The following CDYL2 variants were observed in gnomAD, a reference collection of about 807,000 sequenced individuals.
CDYL2 encodes chromodomain Y like 2.
CDYL2 carries 23 observed loss-of-function variants against 49.4 expected under a neutral mutation model. The ratio of observed to expected loss-of-function variants is 0.47; its 90% CI spans 0.34 to 0.66. CDYL2 has a LOEUF of 0.66. CDYL2 is among the 30% of genes least tolerant of loss of function. The pLI, the probability that CDYL2 is intolerant of heterozygous loss-of-function variation, is 0.01. For synonymous variants in CDYL2, 360 were observed against 268.8 expected (o/e 1.34, Z -3.32); for missense variants, 678 against 656.4 (o/e 1.03, Z -0.36).
At chr16:80,769,048 G>T (rs1281476318) in intron 1 of CDYL2, among the ~76,000 whole-genome samples, 1 of 152,138 alleles carries the variant, frequency 6.6e-6, no homozygotes, top group Non-Finnish European at 1.5e-5. Context: ...TTCCTAGTAT[G>T]GAATAGAATG....
chr16:80,644,769 T>C (rs1406153622), intron 2 of CDYL2, among the ~76,000 whole-genome samples: 2 of 152,120 alleles, frequency 1.3e-5, no homozygotes, highest in African/African-American at 2.4e-5. Context: ...CAAAACAGCA[T>C]GGTACTGGTA....
intron 2 of CDYL2, among the ~76,000 whole-genome samples, 173 bp from the exon 3 acceptor site, chr16:80,633,409 G>A (rs532175391): frequency 2.0e-5 from 3 of 152,290 alleles, no homozygotes; most frequent in South Asian, 4.1e-4. Context: ...GAGACAGGCT[G>A]AATTCCTGCA....
chr16:80,706,917 C>G (rs1904424610), intron 1 of CDYL2, among the ~76,000 whole-genome samples: 1 of 152,182 alleles, frequency 6.6e-6, no homozygotes, highest in Admixed American at 6.5e-5. Context: ...AGGTCAATCA[C>G]ACCTACAGAC....
chr16:80,795,439 C>T (rs958614783), intron 1 of CDYL2, among the ~76,000 whole-genome samples: 1 of 152,148 alleles, frequency 6.6e-6, no homozygotes, highest in African/African-American at 2.4e-5. Flanking sequence ...AGGAACCCAT[C>T]GCTTTATAAA....
intron 1 of CDYL2, among the ~76,000 whole-genome samples, chr16:80,743,129 T>A (rs1281515353): frequency 6.6e-6 from 1 of 152,162 alleles, no homozygotes; most frequent in East Asian, 1.9e-4. Flanking sequence ...ATGTCGTCAT[T>A]TTTGTTTCCA....
chr16:80,787,889 C>T (rs897764094), intron 1 of CDYL2, among the ~76,000 whole-genome samples: 1 of 152,108 alleles, frequency 6.6e-6, no homozygotes, highest in African/African-American at 2.4e-5. Flanking sequence ...AGCATGCAGA[C>T]ATATTTGCTA....
chr16:80,735,235 C>T (rs1398656358), intron 1 of CDYL2: 2 of 152,146 alleles, frequency 1.3e-5, no homozygotes, highest in African/African-American at 4.8e-5. Flanking sequence ...ATAGATCATG[C>T]CCAAGCTACT....
At chr16:80,714,536 G>A (rs749982451) in intron 1 of CDYL2, among the ~76,000 whole-genome samples, 1 of 152,128 alleles carries the variant, frequency 6.6e-6, no homozygotes, top group African/African-American at 2.4e-5. Context: ...CACCTGGCTG[G>A]TTACTCACTA....
At chr16:80,688,501 G>A (rs1378482977) in intron 1 of CDYL2, among the ~76,000 whole-genome samples, 2 of 152,164 alleles carry the variant, frequency 1.3e-5, no homozygotes, top group Non-Finnish European at 2.9e-5. Context: ...ATGAACTTCA[G>A]TTGACAAAAC....
chr16:80,790,948 G>C (rs1385120676), intron 1 of CDYL2, among the ~76,000 whole-genome samples: 3 of 152,228 alleles, frequency 2.0e-5, no homozygotes, highest in Admixed American at 2.0e-4. Flanking sequence ...TTAGATTTCA[G>C]TGAAGGCAAA....
chr16:80,785,898 T>C (rs943595003), intron 1 of CDYL2, among the ~76,000 whole-genome samples: 3 of 152,138 alleles, frequency 2.0e-5, no homozygotes, highest in Non-Finnish European at 2.9e-5. Context: ...GTTGGGAAAA[T>C]TGGCTAGCCA....
chr16:80,743,471 T>C (rs1905819320), intron 1 of CDYL2, among the ~76,000 whole-genome samples: 1 of 119,652 alleles, frequency 8.4e-6, no homozygotes, highest in Admixed American at 8.9e-5. Context: ...CTAACAGAAG[T>C]AGCAGCACTT....
At chr16:80,760,111 A>T (rs551407104) in intron 1 of CDYL2, among the ~76,000 whole-genome samples, 1 of 152,204 alleles carries the variant, frequency 6.6e-6, no homozygotes, top group African/African-American at 2.4e-5. Flanking sequence ...TTGCTATAGG[A>T]CTCCCTTAGA....
chr16:80,610,740 T>C lies in CDYL2; in HGVS notation c.1218+1886A>G, dbSNP rs148410836. On this transcript the variant is annotated intron_variant, in intron 5 of 6. Coordinates refer to ENST00000570137, the MANE Select transcript of CDYL2 (RefSeq NM_152342.4). ...ACAGCACCAAGCTCCCAGCACACTTTGCAGGGCCGGGAGCCAGCACTCGGC... is the reference window on the plus strand; with the variant it reads ...ACAGCACCAAGCTCCCAGCACACTTCGCAGGGCCGGGAGCCAGCACTCGGC... Among the ~76,000 whole-genome samples the C allele has an allele frequency of 5.0e-3, 756 of 152,250 alleles. 2 individuals are homozygous for C. Among genetic ancestry groups the C allele is most frequent in the Non-Finnish European group, 7.3e-3 (496 of 68,002 alleles).
intron 2 of CDYL2, among the ~76,000 whole-genome samples, chr16:80,635,436 C>A (rs1384427606): frequency 6.6e-6 from 1 of 152,114 alleles, no homozygotes; most frequent in East Asian, 1.9e-4. Context: ...GACAGCCAGC[C>A]AAATCATGAG....
rs150531173 is a variant in CDYL2, at chr16:80,655,784, C to T, written c.617-22548G>A. Among the ~76,000 whole-genome samples the T allele has an allele frequency of 9.8e-5, 15 of 152,292 alleles. 1 individual carries two copies. The East Asian group carries it at 2.9e-3, about 29-fold the overall frequency. ...TCTGGATGCGGGTGGCTGAAACGGG[C>T]CTTCTCTCCAGGAGACGCAGGGGAA... On this transcript the variant is annotated intron_variant, in intron 2 of 6. Coordinates refer to ENST00000570137, the MANE Select transcript of CDYL2 (RefSeq NM_152342.4).
At chr16:80,732,172 G>A (rs1905349898) in intron 1 of CDYL2, among the ~76,000 whole-genome samples, 1 of 152,188 alleles carries the variant, frequency 6.6e-6, no homozygotes, top group African/African-American at 2.4e-5. Context: ...ACTGAATAAT[G>A]AGAACATGAA....
chr16:80,640,768 T>C (rs934832492), intron 2 of CDYL2, among the ~76,000 whole-genome samples: 1 of 152,182 alleles, frequency 6.6e-6, no homozygotes, highest in Non-Finnish European at 1.5e-5. Flanking sequence ...TTAAAAAGAA[T>C]CAAGCAGAAA....
At chr16:80,723,384 T>C (rs1441548743) in intron 1 of CDYL2, among the ~76,000 whole-genome samples, 1 of 152,170 alleles carries the variant, frequency 6.6e-6, no homozygotes, top group South Asian at 2.1e-4. Flanking sequence ...AATTTACAGT[T>C]TGCATTCTGT....
Sources: allele counts gnomAD v4.1 joint callset (sites outside exome capture counted in the v4.1 genomes callset), GRCh38; gene constraint gnomAD v4.1.1; transcripts MANE v1.5; gene names NCBI Gene and HGNC (gene_info 2026-07-23, HGNC 2026-07-21).